TNFAIP8: variants seen among roughly 807,000 people sequenced by gnomAD.
TNFAIP8 encodes tumor necrosis factor alpha-induced protein 8.
Under a neutral mutation model 13.3 loss-of-function variants are expected in TNFAIP8, and 7 were observed. That is an observed-to-expected ratio of 0.52 (90% CI 0.30 to 0.99). The LOEUF (loss-of-function observed/expected upper bound fraction) is 0.99, where lower values mean the gene tolerates loss of function less well. Among genes scored for constraint, TNFAIP8 ranks in the 50% least tolerant of loss-of-function variants. The pLI is 0.07. For missense variants in TNFAIP8, 258 were observed against 236.9 expected, an observed-to-expected ratio of 1.09 and a Z score of -0.58; for synonymous variants, 94 against 87.6, an observed-to-expected ratio of 1.07 and a Z score of -0.41.
intron 1 of TNFAIP8, among the ~76,000 whole-genome samples, chr5:119,294,671 C>T (rs561212909): frequency 1.3e-5 from 2 of 151,280 alleles, no homozygotes; most frequent in Admixed American, 6.6e-5. Context: ...CAGTGGGACT[C>T]CACATCCTCT....
intron 1 of TNFAIP8, among the ~76,000 whole-genome samples, chr5:119,317,041 T>G (rs1749919645): frequency 6.6e-6 from 1 of 152,168 alleles, no homozygotes; most frequent in Non-Finnish European, 1.5e-5. Context: ...ATGCCTGTTG[T>G]GAGGAAATAA....
At chr5:119,283,669 T>C (rs1748699097) in intron 1 of TNFAIP8, among the ~76,000 whole-genome samples, 1 of 152,130 alleles carries the variant, frequency 6.6e-6, no homozygotes. Flanking sequence ...TTCTGTTCCT[T>C]GTCAGTGCCC....
chr5:119,387,557 A>T (rs559241645), intron 1 of TNFAIP8, among the ~76,000 whole-genome samples: 1 of 152,326 alleles, frequency 6.6e-6, no homozygotes, highest in East Asian at 1.9e-4. Context: ...GGGAGTAGTT[A>T]TGTTATGGGG....
chr5:119,279,508 G>A (rs769082406), intron 1 of TNFAIP8, among the ~76,000 whole-genome samples: 45 of 152,120 alleles, frequency 3.0e-4, no homozygotes, highest in Admixed American at 2.0e-3. Flanking sequence ...CCCAATGCCC[G>A]ACTGTTCATT....
chr5:119,310,836 C>T (rs1384590776), intron 1 of TNFAIP8, among the ~76,000 whole-genome samples: 1 of 152,004 alleles, frequency 6.6e-6, no homozygotes, highest in Admixed American at 6.6e-5. Flanking sequence ...ATCAATCAAT[C>T]AATCAATCAA....
At chr5:119,374,434 A>T (rs576637657) in intron 1 of TNFAIP8, among the ~76,000 whole-genome samples, 1 of 152,330 alleles carries the variant, frequency 6.6e-6, no homozygotes, top group Non-Finnish European at 1.5e-5. Context: ...CCTCACATAG[A>T]TACAGCATGA....
In TNFAIP8 at chr5:119,394,988, C is replaced by A. The variant is rs1753040207; in HGVS notation, c.*1607C>A. On this transcript the variant is annotated 3_prime_UTR_variant, in exon 2 of 2. Transcript: ENST00000504771. ...TAATAGTTTACCAGGAAAGGTTCCA[C>A]AACTAAAAATTCCAGAAGTTGAGAT... 6.6e-6 allele frequency: 1 copy of A among 152,182 alleles called. No individual in the cohort carries two copies. The highest frequency in any genetic ancestry group is 1.5e-5 in the Non-Finnish European group (1 of 68,054). 9.4% of individuals were successfully genotyped at this position (152,182 alleles called of 1,614,324 possible). A position where few individuals can be genotyped will look rare whatever the true frequency, so the allele number is the denominator to read the frequency against.
chr5:119,377,371 G>C (rs566514144), intron 1 of TNFAIP8, among the ~76,000 whole-genome samples: 4 of 152,048 alleles, frequency 2.6e-5, no homozygotes, highest in African/African-American at 9.6e-5. Flanking sequence ...GCAACAGAGT[G>C]AGACCCTGTC....
At chr5:119,319,058 T>C (rs1674155470) in intron 1 of TNFAIP8, among the ~76,000 whole-genome samples, 2 of 152,216 alleles carry the variant, frequency 1.3e-5, no homozygotes, top group Admixed American at 6.5e-5. Context: ...GATACTTTAA[T>C]TGTAGTCTAA....
At chr5:119,321,516 G>T (rs1192628684) in intron 1 of TNFAIP8, among the ~76,000 whole-genome samples, 1 of 152,122 alleles carries the variant, frequency 6.6e-6, no homozygotes, top group Non-Finnish European at 1.5e-5. Context: ...TTGATTGCAT[G>T]CCCTTTACCC....
chr5:119,317,249 A>G (rs535944520), intron 1 of TNFAIP8, among the ~76,000 whole-genome samples: 2 of 152,304 alleles, frequency 1.3e-5, no homozygotes, highest in Admixed American at 6.5e-5. Context: ...ATGGCTTGGA[A>G]GAAGACCCAA....
At chr5:119,326,468 A>AG (rs1421443978) in intron 1 of TNFAIP8, among the ~76,000 whole-genome samples, 1 of 152,198 alleles carries the variant, frequency 6.6e-6, no homozygotes, top group African/African-American at 2.4e-5. Context: ...AAAACAGTGA[A>AG]GCACGGTGGG....
chr5:119,373,735 G>C (rs1752174788), intron 1 of TNFAIP8, among the ~76,000 whole-genome samples: 1 of 152,170 alleles, frequency 6.6e-6, no homozygotes, highest in South Asian at 2.1e-4. Context: ...ACTGATTTTA[G>C]GAGGTCCCAG....
chr5:119,375,452 T>C (rs1359981127), intron 1 of TNFAIP8, among the ~76,000 whole-genome samples: 1 of 152,224 alleles, frequency 6.6e-6, no homozygotes, highest in Non-Finnish European at 1.5e-5. Context: ...CAACTACTTA[T>C]AACATTGATT....
chr5:119,301,408 TA>T (rs921283174), intron 1 of TNFAIP8, among the ~76,000 whole-genome samples: 2 of 151,522 alleles, frequency 1.3e-5, no homozygotes, highest in Non-Finnish European at 2.9e-5. Flanking sequence ...AAGCCCCAAA[TA>T]AAAAAAAATC....
At chr5:119,333,016 G>T (rs1268609147) in intron 1 of TNFAIP8, among the ~76,000 whole-genome samples, 8 of 150,874 alleles carry the variant, frequency 5.3e-5, no homozygotes, top group Admixed American at 5.3e-4. Context: ...ATTAATAGAC[G>T]TTCATGTTTA....
At chr5:119,358,561 A>T (rs941310431) in intron 1 of TNFAIP8, among the ~76,000 whole-genome samples, 1 of 152,236 alleles carries the variant, frequency 6.6e-6, no homozygotes, top group Non-Finnish European at 1.5e-5. Context: ...TTATTCAGAC[A>T]TAGAATAAAT....
At chr5:119,271,060 G>A (rs1748279397) in intron 1 of TNFAIP8, among the ~76,000 whole-genome samples, 1 of 152,176 alleles carries the variant, frequency 6.6e-6, no homozygotes. Context: ...CTTTGTTTAC[G>A]TGTTGAGCTG....
intron 1 of TNFAIP8, among the ~76,000 whole-genome samples, chr5:119,384,537 G>C (rs1752601279): frequency 1.3e-5 from 2 of 152,028 alleles, no homozygotes; most frequent in African/African-American, 2.4e-5. Context: ...GCGGTTCCAG[G>C]GATAATGTAG....
Sources: allele counts gnomAD v4.1 joint callset (sites outside exome capture counted in the v4.1 genomes callset), GRCh38; gene constraint gnomAD v4.1.1; transcripts MANE v1.5; gene names NCBI Gene and HGNC (gene_info 2026-07-23, HGNC 2026-07-21).